The following LARGE1 variants were observed in gnomAD, a reference collection of about 807,000 sequenced individuals.
LARGE1 encodes the protein xylosyl- and glucuronyltransferase LARGE1.
Under a neutral mutation model 87.6 loss-of-function variants are expected in LARGE1, and 43 were observed. That is an observed-to-expected ratio of 0.49 (90% CI 0.38 to 0.63). The LOEUF (loss-of-function observed/expected upper bound fraction) is 0.63, where lower values mean the gene tolerates loss of function less well. Among genes scored for constraint, LARGE1 ranks in the 30% least tolerant of loss-of-function variants. The pLI is 0.00. For synonymous variants in LARGE1, 434 were observed against 394.6 expected, an observed-to-expected ratio of 1.10 and a Z score of -1.18; for missense variants, 802 against 1,000.2, an observed-to-expected ratio of 0.80 and a Z score of 2.67.
intron 11 of LARGE1, among the ~76,000 whole-genome samples, chr22:33,194,238 T>C (rs1024063860): frequency 2.6e-5 from 4 of 152,120 alleles, no homozygotes; most frequent in African/African-American, 9.7e-5. Context: ...TTTCCTGGGG[T>C]TGTTATGGGC....
Position 33,621,124 on chromosome 22 carries a change from G to C in LARGE1, c.491+5120C>G, listed in dbSNP as rs553506981. Among the ~76,000 whole-genome samples the C allele has an allele frequency of 7.9e-5, 12 of 152,152 alleles. No individual in the cohort carries two copies. In the South Asian group the frequency reaches 2.5e-3, roughly 32 times the overall value. ...TTTTCACTTATTTTATATAAGCATTGCTTCATGGTATGCCATACTTTTCAA... is the reference window on the plus strand; with the variant it reads ...TTTTCACTTATTTTATATAAGCATTCCTTCATGGTATGCCATACTTTTCAA... On this transcript the variant is annotated intron_variant, in intron 4 of 14. Coordinates refer to ENST00000397394, the MANE Select transcript of LARGE1 (RefSeq NM_133642.5).
At chr22:33,351,222 C>T (rs1258878561) in intron 9 of LARGE1, among the ~76,000 whole-genome samples, 1 of 152,178 alleles carries the variant, frequency 6.6e-6, no homozygotes, top group African/African-American at 2.4e-5. Context: ...TGGCTGGAGG[C>T]CTCAGGAAGC....
At chr22:33,319,843 C>T (rs1936545054) in intron 10 of LARGE1, among the ~76,000 whole-genome samples, 1 of 152,158 alleles carries the variant, frequency 6.6e-6, no homozygotes, top group African/African-American at 2.4e-5. Context: ...CGAGCTCCTG[C>T]CCACCAAATG....
chr22:33,677,207 A>C (rs2081607909), intron 2 of LARGE1, among the ~76,000 whole-genome samples: 1 of 151,804 alleles, frequency 6.6e-6, no homozygotes, highest in South Asian at 2.1e-4. Context: ...TTCCTTAGTG[A>C]AAAAGACGGG....
chr22:33,662,261 C>G (rs1569352277), intron 2 of LARGE1, among the ~76,000 whole-genome samples: 1 of 152,020 alleles, frequency 6.6e-6, no homozygotes, highest in Non-Finnish European at 1.5e-5. Flanking sequence ...TGAAATGGTG[C>G]ACCTGCCAAA....
chr22:33,097,561 G>A, the LARGE1 span, among the ~76,000 whole-genome samples: 1 of 152,198 alleles, frequency 6.6e-6, no homozygotes, highest in East Asian at 1.9e-4. Flanking sequence ...GCATAAGTCA[G>A]TACAGAGTGC....
chr22:33,119,727 G>C, the LARGE1 span, among the ~76,000 whole-genome samples: 1 of 152,150 alleles, frequency 6.6e-6, no homozygotes, highest in Non-Finnish European at 1.5e-5. Flanking sequence ...CACCCTGAGG[G>C]GTCTTTTTGT....
intron 11 of LARGE1, among the ~76,000 whole-genome samples, chr22:33,195,144 A>G (rs137425): frequency 0.57 from 85,965 of 151,778 alleles, 24,639 homozygotes; most frequent in Middle Eastern, 0.62. Flanking sequence ...CAAGATTTAA[A>G]TTGGTTACTT....
intron 9 of LARGE1, among the ~76,000 whole-genome samples, chr22:33,362,547 T>C (rs887200767): frequency 2.0e-5 from 3 of 150,046 alleles, no homozygotes; most frequent in Non-Finnish European, 3.0e-5. Flanking sequence ...TGCCCAAGGC[T>C]GGTAAGCCTC....
At chr22:33,376,055 G>A (rs2064982793) in intron 9 of LARGE1, among the ~76,000 whole-genome samples, 1 of 152,116 alleles carries the variant, frequency 6.6e-6, no homozygotes, top group Non-Finnish European at 1.5e-5. Flanking sequence ...GGAAGAAAAA[G>A]TTATGTTTCT....
At chr22:33,754,157 T>G (rs910173941) in intron 2 of LARGE1, among the ~76,000 whole-genome samples, 1 of 152,108 alleles carries the variant, frequency 6.6e-6, no homozygotes, top group Non-Finnish European at 1.5e-5. Context: ...TGCCAAGACC[T>G]TAAAGAGACT....
At chr22:33,491,120 G>A (rs1236946376) in intron 6 of LARGE1, among the ~76,000 whole-genome samples, 1 of 152,112 alleles carries the variant, frequency 6.6e-6, no homozygotes, top group African/African-American at 2.4e-5. Flanking sequence ...GCTGCTTTCA[G>A]GGCAGTTGAG....
rs374331968 is a variant in LARGE1 at position 33,277,123 on chromosome 22, G to A, written c.2010C>T (p.Tyr670=). The change falls in exon 14 of 15, where the codon TAC becomes TAT. Residue 670 remains tyrosine (Y), a synonymous_variant. Coordinates refer to ENST00000397394, the MANE Select transcript of LARGE1 (RefSeq NM_133642.5). ...YVVVRRDCPE[Y]DRRFVGFGWN... ...AGCCAAAGCCTACAAACCTCCGGTC[G>A]TACTCCGGGCAGTCACGTCTCACAA... 8.7e-6 allele frequency: 14 copies of A among 1,614,094 alleles called. No individual in the cohort carries two copies. The highest frequency in any genetic ancestry group is 2.7e-5 in the African/African-American group (2 of 74,940).
rs376920194 is a variant in LARGE1, at chr22:33,762,862, G to C, written c.-82-1304C>G. On this transcript the variant is annotated intron_variant, in intron 1 of 14. Coordinates refer to ENST00000397394, the MANE Select transcript of LARGE1 (RefSeq NM_133642.5). ...TGACATAGGTGTCACGCTGACTATA[G>C]GTGGAAAGAAAGATAAACCCACATG... Among the ~76,000 whole-genome samples the C allele has an allele frequency of 2.6e-4, 40 of 152,322 alleles. 1 individual carries two copies. Among genetic ancestry groups the C allele is most frequent in the African/African-American group, 9.4e-4 (39 of 41,568 alleles).
chr22:33,482,039 T>C (rs1041148680), intron 6 of LARGE1, among the ~76,000 whole-genome samples: 1 of 152,180 alleles, frequency 6.6e-6, no homozygotes, highest in African/African-American at 2.4e-5. Flanking sequence ...CATCATCATA[T>C]CTACTGTACT....
chr22:33,508,805 C>T (rs969136428), intron 6 of LARGE1, among the ~76,000 whole-genome samples: 2 of 152,212 alleles, frequency 1.3e-5, no homozygotes, highest in East Asian at 3.9e-4. Context: ...CATCCAACTG[C>T]GATGGTGTTT....
chr22:33,312,086 C>T (rs1324429398), intron 11 of LARGE1, among the ~76,000 whole-genome samples: 1 of 152,134 alleles, frequency 6.6e-6, no homozygotes, highest in East Asian at 1.9e-4. Flanking sequence ...AGCACTGGCA[C>T]GCCTTCTCTC....
intron 4 of LARGE1, among the ~76,000 whole-genome samples, chr22:33,617,125 T>C (rs1351999300): frequency 1.3e-5 from 2 of 152,212 alleles, no homozygotes; most frequent in Non-Finnish European, 2.9e-5. Flanking sequence ...AACCCCGCAA[T>C]TGTCCAGGCT....
At chr22:33,441,953 C>G (rs1057512079) in intron 6 of LARGE1, among the ~76,000 whole-genome samples, 1 of 152,166 alleles carries the variant, frequency 6.6e-6, no homozygotes, top group East Asian at 1.9e-4. Context: ...TGAAGCACCT[C>G]TAACCCAGTT....
Sources: gnomAD v4.1 joint callset for allele counts (sites outside exome capture counted in the v4.1 genomes callset) on GRCh38, gnomAD v4.1.1 for gene constraint, MANE v1.5 for transcripts, NCBI Gene and HGNC (gene_info 2026-07-23, HGNC 2026-07-21) for gene names.